Variants in NSD2 observed in about 807,000 individuals in gnomAD.
NSD2 encodes nuclear receptor binding SET domain protein 2.
Under a neutral mutation model 139.0 loss-of-function variants are expected in NSD2, and 12 were observed. The ratio of observed to expected loss-of-function variants is 0.09; its 90% CI spans 0.06 to 0.14. The LOEUF is 0.14. Among genes scored for constraint, NSD2 ranks in the 10% least tolerant of loss-of-function variants. The pLI is 1.00. For synonymous variants in NSD2, 669 were observed against 648.7 expected (o/e 1.03, Z -0.48); for missense variants, 1,155 against 1,745.0 (o/e 0.66, Z 6.02).
At chr4:1,944,357 T>G in intron 9 of NSD2, 1 of 1,066,186 alleles carries the variant, frequency 9.4e-7, no homozygotes, top group Non-Finnish European at 1.1e-6. Context: ...GCTGCTAATT[T>G]AACGTGGAAT....
chr4:1,908,408 A>G (rs1225528220), intron 3 of NSD2, among the ~76,000 whole-genome samples: 1 of 152,246 alleles, frequency 6.6e-6, no homozygotes, highest in African/African-American at 2.4e-5. Flanking sequence ...AGTAGGAGGC[A>G]CAAGCAAACC....
intron 7 of NSD2, among the ~76,000 whole-genome samples, chr4:1,935,745 C>T (rs537475765): frequency 6.6e-6 from 1 of 152,134 alleles, no homozygotes; most frequent in East Asian, 1.9e-4. Context: ...CCTGTAATCC[C>T]AGCTACTCAA....
In NSD2 at chr4:1,978,765, C is replaced by T; in HGVS notation, c.3954C>T (p.Asp1318=). ...GGACAGCCTTCAGCTGCACCCCGGA[C>T]GGGCGGTCCTACTGCTGTGAGCATG... ...QDGTAFSCTP[D]GRSYCCEHDL... is the part of the protein sequence containing the mutation. The change falls in exon 22 of 22, where the codon GAC becomes GAT. Residue 1318 remains aspartate, a synonymous_variant. Transcript: ENST00000508803. 1.5e-5 allele frequency: 25 copies of T among 1,614,046 alleles called. No individual in the cohort carries two copies. Among genetic ancestry groups the T allele is most frequent in the East Asian group, 2.2e-5 (1 of 44,874 alleles).
chr4:1,952,818 C>T (rs1724418309), intron 11 of NSD2: 2 of 1,199,826 alleles, frequency 1.7e-6, no homozygotes, highest in South Asian at 5.4e-5. Context: ...CGTGGCCCTT[C>T]CTGCCTACTC....
At chr4:1,891,051 G>A (rs1034959839) in intron 1 of NSD2, among the ~76,000 whole-genome samples, 4 of 152,042 alleles carry the variant, frequency 2.6e-5, no homozygotes, top group African/African-American at 7.2e-5. Context: ...ATGCCACCAC[G>A]CCCAGCTAAG....
intron 1 of NSD2, among the ~76,000 whole-genome samples, chr4:1,893,167 T>C (rs757894293): frequency 4.0e-4 from 61 of 152,312 alleles, no homozygotes; most frequent in Non-Finnish European, 6.6e-4. Context: ...GAAAGAGATA[T>C]GCATATTAAA....
At chr4:1,879,249 C>T (rs567510968) in intron 1 of NSD2, among the ~76,000 whole-genome samples, 8 of 152,138 alleles carry the variant, frequency 5.3e-5, no homozygotes, top group South Asian at 2.1e-4. Context: ...GACGGAGTCT[C>T]GCTCTGTCAC....
At chr4:1,919,903 T>G (rs577475586) in intron 5 of NSD2, among the ~76,000 whole-genome samples, 2 of 151,932 alleles carry the variant, frequency 1.3e-5, no homozygotes, top group South Asian at 4.2e-4. Context: ...ACCACTGCAC[T>G]CCAGCCTGGC....
intron 1 of NSD2, among the ~76,000 whole-genome samples, chr4:1,872,544 T>C (rs1019433903): frequency 6.7e-6 from 1 of 148,842 alleles, no homozygotes; most frequent in Non-Finnish European, 1.5e-5. Flanking sequence ...TTAATCGTTT[T>C]TAGGTAGATA....
intron 1 of NSD2, among the ~76,000 whole-genome samples, chr4:1,875,601 T>G (rs1714191745): frequency 1.3e-5 from 2 of 152,154 alleles, no homozygotes; most frequent in African/African-American, 4.8e-5. Context: ...GGTTTGCTAG[T>G]TAAAAAATCC....
intron 9 of NSD2, chr4:1,941,010 G>T: frequency 1.9e-6 from 2 of 1,057,956 alleles, no homozygotes; most frequent in Non-Finnish European, 2.3e-6. Flanking sequence ...AGTTTGATAC[G>T]TGTAGATAAT....
rs917182515 is a variant in NSD2, at chr4:1,940,088, TCA to T, written c.1881+314_1881+315del. 11 of 1,229,740 alleles carry T rather than the reference TCA, an allele frequency of 8.9e-6. No homozygotes were observed. The African/African-American group carries it at 1.4e-4, about 15-fold the overall frequency. 76.2% of individuals were successfully genotyped at this position (1,229,740 alleles called of 1,614,324 possible). A position where few individuals can be genotyped will look rare whatever the true frequency, so the allele number is the denominator to read the frequency against. Reference sequence around the variant, plus strand: ...AAGAATGTTGTGTTCTGTGTAGCCCTCACACTGTAAGAGTTCACATGGAAGTA... The same window carrying T: ...AAGAATGTTGTGTTCTGTGTAGCCCTCACTGTAAGAGTTCACATGGAAGTA... On this transcript the variant is annotated intron_variant, in intron 9 of 21. Coordinates refer to ENST00000508803, the MANE Select transcript of NSD2 (RefSeq NM_001042424.3).
chr4:1,917,833 G>A (rs1323226124), intron 4 of NSD2, among the ~76,000 whole-genome samples: 2 of 147,174 alleles, frequency 1.4e-5, no homozygotes, highest in African/African-American at 5.1e-5. Context: ...CCAGGCTAGA[G>A]TGCAGTGGCG....
chr4:1,976,512 A>T lies in NSD2; in HGVS notation c.3659A>T (p.Lys1220Met), dbSNP rs746488285. The change falls in exon 21 of 22, where the codon AAG becomes ATG. Residue 1220 changes from lysine (K) to methionine (M), a missense_variant. Physicochemically the swap from Lys to Met is moderately conservative, Grantham distance 95. Transcript: ENST00000508803. This position sits in a 1 kb window ranked among gnomAD's most constrained non-coding sequence, Gnocchi z 5.3. ...TTLSSEEKGK[K>M]TKKKTRRRRA... is the part of the protein sequence containing the mutation. ...CTTTCATCAGAGGAAAAGGGCAAAA[A>T]GACCAAGAAGAAAACGAGGCGGCGC... 3 of 1,613,962 alleles carry T rather than the reference A, an allele frequency of 1.9e-6. No individual in the cohort carries two copies. Among genetic ancestry groups the T allele is most frequent in the Non-Finnish European group, 2.5e-6 (3 of 1,179,960 alleles).
rs1727612907 is a variant in NSD2, at chr4:1,980,136, CGT to C, written c.*1232_*1233del. Reference sequence around the variant, plus strand: ...GCCTGGCAGGTGTGCGTGCCTCGTACGTGTGTTATGGGCACTGGTCTAGGCCA... The same window carrying C: ...GCCTGGCAGGTGTGCGTGCCTCGTACGTGTTATGGGCACTGGTCTAGGCCA... On this transcript the variant is annotated 3_prime_UTR_variant, in exon 22 of 22. Transcript: ENST00000508803. The C allele has an allele frequency of 4.3e-6, 1 of 233,280 alleles. No individual in the cohort carries two copies. Among genetic ancestry groups the C allele is most frequent in the Admixed American group, 5.6e-5 (1 of 17,784 alleles). 14.5% of individuals were successfully genotyped at this position (233,280 alleles called of 1,614,324 possible).
chr4:1,939,935 G>A (rs1378548477), intron 9 of NSD2, 157 bp downstream of exon 9: 2 of 1,492,502 alleles, frequency 1.3e-6, no homozygotes, highest in Non-Finnish European at 1.8e-6. Flanking sequence ...TCAGATTCAT[G>A]AAATGGACAA....
At chr4:1,916,546 A>G (rs1386273037) in intron 3 of NSD2, among the ~76,000 whole-genome samples, 1 of 152,128 alleles carries the variant, frequency 6.6e-6, no homozygotes, top group East Asian at 1.9e-4. Context: ...GGCTTTTGCC[A>G]TGTTGCCCAG....
At chr4:1,891,344 A>G (rs1024490148) in intron 1 of NSD2, among the ~76,000 whole-genome samples, 2 of 152,186 alleles carry the variant, frequency 1.3e-5, no homozygotes, top group African/African-American at 4.8e-5. Flanking sequence ...TGGGTTTTCC[A>G]TTTCAGTCTT....
In NSD2 at chr4:1,978,996, A is replaced by T. The variant is rs1219538625; in HGVS notation, c.*87A>T. 4.2e-6 allele frequency: 6 copies of T among 1,421,788 alleles called. No individual in the cohort carries two copies. In the African/African-American group the frequency reaches 8.7e-5, roughly 21 times the overall value. 88.1% of individuals were successfully genotyped at this position (1,421,788 alleles called of 1,614,324 possible). ...AGAGGGCGAGCATGAACTGGCCCGG[A>T]GGACCCAGCTCGAGCCGCCAGGACA... On this transcript the variant is annotated 3_prime_UTR_variant, in exon 22 of 22. Transcript: ENST00000508803.
Sources: gnomAD v4.1 joint callset for allele counts (sites outside exome capture counted in the v4.1 genomes callset) on GRCh38, gnomAD v4.1.1 for gene constraint, Gnocchi (gnomAD v3.1) non-coding constraint, MANE v1.5 for transcripts, NCBI Gene and HGNC (gene_info 2026-07-23, HGNC 2026-07-21) for gene names.